Variants in ERBB2 observed in about 807,000 individuals in gnomAD.
ERBB2 encodes receptor tyrosine-protein kinase erbB-2.
A neutral mutation model predicts 149.0 loss-of-function variants in ERBB2; 61 were observed. That is an observed-to-expected ratio of 0.41 (90% confidence interval 0.33 to 0.51). The LOEUF (loss-of-function observed/expected upper bound fraction) is 0.51. Among genes scored for constraint, ERBB2 ranks in the 20% least tolerant of loss-of-function variants. The pLI, the probability that ERBB2 is intolerant of heterozygous loss-of-function variation, is 0.25. For synonymous variants in ERBB2, 633 were observed against 678.8 expected (o/e 0.93, Z 1.05); for missense variants, 1,205 against 1,655.1 (o/e 0.73, Z 4.72).
intron 3 of ERBB2, 77 bp downstream of exon 3, chr17:39,708,611 T>A: frequency 8.7e-7 from 1 of 1,150,354 alleles, no homozygotes; most frequent in Admixed American, 1.9e-5. Flanking sequence ...GGGGGAGGCT[T>A]TGTGTGCATT....
upstream of ERBB2, among the ~76,000 whole-genome samples, chr17:39,691,574 T>TATATATATATATATATACACACAC (rs1244087250): frequency 7.4e-5 from 9 of 122,036 alleles, no homozygotes; most frequent in Admixed American, 4.9e-4. Flanking sequence ...TATATATATA[T>TATATATATATATATATACACACAC]ACACACACAC....
At chr17:39,694,222 A>ATGTGT (rs2057786115), upstream of ERBB2, among the ~76,000 whole-genome samples, 3 of 25,444 alleles carry the variant, frequency 1.2e-4, no homozygotes, top group African/African-American at 5.9e-4. Flanking sequence ...AAAAAAAAAA[A>ATGTGT]AAAAATATAT....
intron 16 of ERBB2, among the ~76,000 whole-genome samples, chr17:39,721,815 G>T (rs2059469241): frequency 6.6e-6 from 1 of 152,096 alleles, no homozygotes; most frequent in Admixed American, 6.5e-5. Context: ...AGGATTTTTT[G>T]ACTTTACAAT....
chr17:39,707,384 T>C, intron 2 of ERBB2: 1 of 395,794 alleles, frequency 2.5e-6, no homozygotes, highest in Non-Finnish European at 4.5e-6. Flanking sequence ...TTCCGCTAAA[T>C]CTTGTGCTCT....
At position 39,712,155 on chromosome 17, in the gene ERBB2, G is replaced by A. The variant is rs752899361; in HGVS notation, c.1021+108G>A. On this transcript the variant is annotated intron_variant, in intron 8 of 26. Transcript: ENST00000269571. ...CTTCCTCAGACCCTCTTGGGACCTAGTCTCTGCCTTCTACTCTCTACCCCT... is the reference window on the plus strand; with the variant it reads ...CTTCCTCAGACCCTCTTGGGACCTAATCTCTGCCTTCTACTCTCTACCCCT... 5.1e-6 allele frequency: 8 copies of A among 1,562,952 alleles called. No homozygotes were observed. The South Asian group carries it at 7.8e-5, about 15-fold the overall frequency.
chr17:39,702,962 T>C (rs1162210034), intron 1 of ERBB2, among the ~76,000 whole-genome samples: 3 of 152,236 alleles, frequency 2.0e-5, no homozygotes, highest in African/African-American at 7.2e-5. Flanking sequence ...GAACAAAGCC[T>C]TAGGGGCAGG....
At position 39,728,458 on chromosome 17, in the gene ERBB2, C is replaced by T. The variant is rs2143338307; in HGVS notation, c.*414C>T. 2 of 252,216 alleles carry T rather than the reference C, an allele frequency of 7.9e-6. No homozygotes were observed. The highest frequency in any genetic ancestry group is 1.5e-5 in the Non-Finnish European group (2 of 131,626). The allele number at this position is 252,216 out of a possible 1,614,324, so 15.6% of individuals were successfully genotyped here. On this transcript the variant is annotated 3_prime_UTR_variant, in exon 27 of 27. Coordinates refer to ENST00000269571, the MANE Select transcript of ERBB2 (RefSeq NM_004448.4). ...TGTCCCTGAAACCTAGTACTGCCCC[C>T]CATGAGGAAGGAACAGCAATGGTGT...
At chr17:39,704,091 C>A (rs753615508) in intron 1 of ERBB2, among the ~76,000 whole-genome samples, 7 of 152,156 alleles carry the variant, frequency 4.6e-5, no homozygotes, top group Non-Finnish European at 8.8e-5. Context: ...CCCTTTTGTT[C>A]GGAGACTCGT....
Position 39,725,078 on chromosome 17 carries a change from C to G in ERBB2, c.2523C>G (p.Leu841=), listed in dbSNP as rs373165016. The change falls in exon 21 of 27, where the codon CTC becomes CTG. Residue 841 remains leucine, a synonymous_variant. Coordinates refer to ENST00000269571, the MANE Select transcript of ERBB2 (RefSeq NM_004448.4). This position sits in a 1 kb window ranked among gnomAD's most constrained non-coding sequence, Gnocchi z 4.6. ...TGAGCTACCTGGAGGATGTGCGGCT[C>G]GTACACAGGGACTTGGCCGCTCGGA... ...KGMSYLEDVR[L]VHRDLAARNV... is the part of the protein sequence containing the mutation. The G allele has an allele frequency of 6.2e-7, 1 of 1,614,118 alleles. No homozygotes were observed. The highest frequency in any genetic ancestry group is 1.1e-5 in the South Asian group (1 of 91,076).
At chr17:39,712,254 G>GTGGC in intron 8 of ERBB2, 68 bp from the exon 9 acceptor site, 1 of 1,603,564 alleles carries the variant, frequency 6.2e-7, no homozygotes, top group Non-Finnish European at 8.5e-7. Context: ...TGATGCTCAT[G>GTGGC]TGGCTGTTGA....
chr17:39,716,353 T>A lies in ERBB2; in HGVS notation c.1566T>A (p.Gly522=). ...TGTGCGCCCGAGGGCACTGCTGGGG[T>A]CCAGGGCCCACCCAGTGTGTCAACT... ...HQLCARGHCW[G]PGPTQCVNCS... is the part of the protein sequence containing the mutation. The change falls in exon 13 of 27, where the codon GGT becomes GGA. Residue 522 remains glycine (G), a synonymous_variant. Transcript: ENST00000269571. The A allele has an allele frequency of 6.2e-7, 1 of 1,608,582 alleles. No individual in the cohort carries two copies. The highest frequency in any genetic ancestry group is 2.2e-5 in the East Asian group (1 of 44,760).
chr17:39,727,847 G>A lies in ERBB2; in HGVS notation c.3571G>A (p.Val1191Met), dbSNP rs1167419546. ...VKDVFAFGGA[V>M]ENPEYLTPQG... ...AGACGTTTTTGCCTTTGGGGGTGCC[G>A]TGGAGAACCCCGAGTACTTGACACC... is the stretch of plus-strand genomic sequence containing the variant. The change falls in exon 27 of 27, where the codon GTG becomes ATG. Residue 1191 changes from valine (V) to methionine (M), a missense_variant. Physicochemically the swap from Val to Met is conservative, Grantham distance 21. This residue lies in a region of ERBB2 where 312 missense variants were observed against 343.8 expected (regional missense o/e 0.91). Coordinates refer to ENST00000269571, the MANE Select transcript of ERBB2 (RefSeq NM_004448.4). This position sits in a 1 kb window ranked among gnomAD's most constrained non-coding sequence, Gnocchi z 4.3. 8 of 1,614,056 alleles carry A rather than the reference G, an allele frequency of 5.0e-6. No individual in the cohort carries two copies. The highest frequency in any genetic ancestry group is 1.1e-5 in the South Asian group (1 of 91,076).
upstream of ERBB2, among the ~76,000 whole-genome samples, chr17:39,693,774 T>TAAA (rs1157571849): frequency 7.1e-6 from 1 of 141,344 alleles, no homozygotes; most frequent in Non-Finnish European, 1.5e-5. Context: ...AAAATAATAA[T>TAAA]AATAATAATA....
At position 39,715,434 on chromosome 17, in the gene ERBB2, C is replaced by T. The variant is rs1168388454; in HGVS notation, c.1223-12C>T. The T allele has an allele frequency of 6.2e-7, 1 of 1,614,122 alleles. No individual in the cohort carries two copies. Among genetic ancestry groups the T allele is most frequent in the Non-Finnish European group, 8.5e-7 (1 of 1,179,952 alleles). Reference sequence around the variant, plus strand: ...CTGTCCCCACTCCTTTAATCTCACCCTCTGCCTGCAGGTTACCTATACATC... The same window carrying T: ...CTGTCCCCACTCCTTTAATCTCACCTTCTGCCTGCAGGTTACCTATACATC... On this transcript the variant is annotated splice_polypyrimidine_tract_variant and intron_variant, in intron 10 of 26. Coordinates refer to ENST00000269571, the MANE Select transcript of ERBB2 (RefSeq NM_004448.4).
chr17:39,695,093 G>A (rs1333432446), upstream of ERBB2: 1 of 152,644 alleles, frequency 6.6e-6, no homozygotes, highest in Non-Finnish European at 1.5e-5. Context: ...CAAACGCAGT[G>A]CAGCACAGAG....
Position 39,723,971 on chromosome 17 carries a change from G to T in ERBB2, c.2268G>T (p.Arg756Ser), listed in dbSNP as rs1435457852. 5 of 1,613,924 alleles carry T rather than the reference G, an allele frequency of 3.1e-6. No homozygotes were observed. Among genetic ancestry groups the T allele is most frequent in the Non-Finnish European group, 4.2e-6 (5 of 1,180,008 alleles). The change falls in exon 19 of 27, where the codon AGG becomes AGT. Residue 756 changes from arginine to serine, a missense_variant. Transcript: ENST00000269571. The surrounding 1 kb of genome is among the most constrained non-coding windows in gnomAD (Gnocchi z 6.2). The part of the protein sequence containing the change: ...VKIPVAIKVL[R>S]ENTSPKANKE... ...TTCCAGTGGCCATCAAAGTGTTGAG[G>T]GAAAACACATCCCCCAAAGCCAACA... is the stretch of plus-strand genomic sequence containing the variant.
At chr17:39,698,738 G>C (rs930300149), upstream of ERBB2, among the ~76,000 whole-genome samples, 1 of 152,086 alleles carries the variant, frequency 6.6e-6, no homozygotes, top group African/African-American at 2.4e-5. Flanking sequence ...GGGGGGGAGG[G>C]AAGAGAGAAA....
chr17:39,711,477 C>CCAT (rs1324774959), intron 7 of ERBB2, among the ~76,000 whole-genome samples: 1 of 152,210 alleles, frequency 6.6e-6, no homozygotes, highest in East Asian at 1.9e-4. Flanking sequence ...CAGGCATGAG[C>CCAT]CATCGTGCCT....
At position 39,723,597 on chromosome 17, in the gene ERBB2, G is replaced by T. The variant is rs1301375453; in HGVS notation, c.2145G>T (p.Leu715=). Residue 715 remains leucine, a synonymous_variant, in exon 18 of 27, where the codon CTG becomes CTT. Transcript: ENST00000269571. The surrounding 1 kb of genome is among the most constrained non-coding windows in gnomAD (Gnocchi z 6.2). ...CCAACCAGGCGCAGATGCGGATCCT[G>T]AAAGAGACGGAGCTGAGGAAGGTGA... ...AMPNQAQMRI[L]KETELRKVKV... 1 of 1,608,182 alleles carries T rather than the reference G, an allele frequency of 6.2e-7. No individual in the cohort carries two copies.
Sources: allele counts gnomAD v4.1 joint callset (sites outside exome capture counted in the v4.1 genomes callset), GRCh38; gene constraint gnomAD v4.1.1; regional missense constraint gnomAD v4.1.1; non-coding constraint Gnocchi (gnomAD v3.1); transcripts MANE v1.5; gene names NCBI Gene and HGNC (gene_info 2026-07-23, HGNC 2026-07-21).